Variants in RARB observed in about 807,000 individuals in gnomAD.
RARB encodes the protein HBV-activated protein.
A neutral mutation model predicts 51.9 loss-of-function variants in RARB; 17 were observed. The ratio of observed to expected loss-of-function variants is 0.33; its 90% CI spans 0.22 to 0.49. The LOEUF is 0.49. Ranked by LOEUF, RARB falls within the 20% of genes least tolerant of loss-of-function variation. The pLI is 0.99. For missense variants in RARB, 369 were observed against 550.8 expected (o/e 0.67, Z 3.30); for synonymous variants, 215 against 195.4 (o/e 1.10, Z -0.84).
chr3:25,343,594 C>T (rs1030105543), intron 5 of RARB, among the ~76,000 whole-genome samples: 2 of 151,968 alleles, frequency 1.3e-5, no homozygotes, highest in Admixed American at 1.3e-4. Flanking sequence ...TTCCACAGAA[C>T]CCAGTTCCTT....
intron 1 of RARB, among the ~76,000 whole-genome samples, chr3:25,460,620 G>A (rs535029158): frequency 2.0e-5 from 3 of 151,912 alleles, no homozygotes; most frequent in Non-Finnish European, 4.4e-5. Flanking sequence ...GCTAATTTTT[G>A]TATTTTTAGT....
chr3:25,023,733 T>A (rs1244327594), intron 2 of RARB, among the ~76,000 whole-genome samples: 1 of 152,154 alleles, frequency 6.6e-6, no homozygotes, highest in Non-Finnish European at 1.5e-5. Context: ...GAGTGGAAGT[T>A]TCTTCTGTGA....
intron 1 of RARB, among the ~76,000 whole-genome samples, chr3:25,443,973 A>T (rs1708818587): frequency 6.6e-6 from 1 of 152,090 alleles, no homozygotes; most frequent in Non-Finnish European, 1.5e-5. Flanking sequence ...AATCGCTAAA[A>T]CAACTCTCAA....
At position 24,879,855 on chromosome 3, in the gene RARB, T is replaced by C. The variant is rs190566052; in HGVS notation, c.-380+21103T>C. On this transcript the variant is annotated intron_variant, in intron 2 of 11. Transcript: ENST00000383772. Reference sequence around the variant, plus strand: ...TTCTTGCAGATCTCAGATGGGTTTTTAGTTCACAGTTACATTAAGGGTGTA... The same window carrying C: ...TTCTTGCAGATCTCAGATGGGTTTTCAGTTCACAGTTACATTAAGGGTGTA... 8.0e-4 allele frequency among the ~76,000 whole-genome samples: 121 copies of C among 151,924 alleles called. 1 individual carries two copies. The highest frequency in any genetic ancestry group is 4.7e-4 in the Non-Finnish European group (32 of 67,918).
intron 5 of RARB, among the ~76,000 whole-genome samples, chr3:25,365,652 T>C (rs1306671075): frequency 6.6e-6 from 1 of 152,168 alleles, no homozygotes; most frequent in Non-Finnish European, 1.5e-5. Context: ...AGGCCAGATA[T>C]TGAAATCACA....
intron 5 of RARB, among the ~76,000 whole-genome samples, chr3:25,299,766 A>C (rs1217973429): frequency 6.6e-6 from 1 of 152,190 alleles, no homozygotes; most frequent in African/African-American, 2.4e-5. Context: ...AAAAAAAATA[A>C]ATAAATAAAT....
At chr3:24,970,400 A>G (rs1417170941) in intron 2 of RARB, among the ~76,000 whole-genome samples, 1 of 152,022 alleles carries the variant, frequency 6.6e-6, no homozygotes, top group South Asian at 2.1e-4. Flanking sequence ...AGACAAGAAG[A>G]CAATTCTGTC....
At chr3:25,026,685 C>G (rs908202014) in intron 2 of RARB, among the ~76,000 whole-genome samples, 3 of 152,122 alleles carry the variant, frequency 2.0e-5, no homozygotes, top group Admixed American at 1.3e-4. Context: ...CACAATTTAG[C>G]CCATGACAAT....
chr3:25,060,404 T>C (rs188082606), intron 3 of RARB, among the ~76,000 whole-genome samples: 1 of 151,962 alleles, frequency 6.6e-6, no homozygotes, highest in African/African-American at 2.4e-5. Flanking sequence ...TCTTATTTTC[T>C]CTCTGCTAAC....
At chr3:25,253,908 G>A (rs1193614562) in intron 5 of RARB, among the ~76,000 whole-genome samples, 2 of 152,152 alleles carry the variant, frequency 1.3e-5, no homozygotes, top group African/African-American at 4.8e-5. Context: ...AGACACAAAT[G>A]TTAGTTAGAA....
chr3:25,094,543 C>T (rs1012417669), intron 3 of RARB, among the ~76,000 whole-genome samples: 1 of 151,732 alleles, frequency 6.6e-6, no homozygotes, highest in African/African-American at 2.4e-5. Context: ...TTGGCAAAAC[C>T]TTGTCTCTAC....
chr3:25,461,714 C>A (rs1695195771), intron 2 of RARB, among the ~76,000 whole-genome samples: 1 of 152,062 alleles, frequency 6.6e-6, no homozygotes, highest in Non-Finnish European at 1.5e-5. Context: ...ACCAACATGG[C>A]AAAACCTCAT....
At chr3:25,190,796 A>G (rs576404497) in intron 5 of RARB, among the ~76,000 whole-genome samples, 2 of 152,142 alleles carry the variant, frequency 1.3e-5, no homozygotes, top group African/African-American at 4.8e-5. Flanking sequence ...TCACATCAGT[A>G]ATAGTCATAA....
intron 5 of RARB, among the ~76,000 whole-genome samples, chr3:25,189,934 G>T (rs1397942793): frequency 6.6e-6 from 1 of 152,044 alleles, no homozygotes; most frequent in Non-Finnish European, 1.5e-5. Flanking sequence ...CCAGCTGTGT[G>T]ATCCCCGGAT....
chr3:25,045,754 A>G (rs1698202690), intron 2 of RARB, among the ~76,000 whole-genome samples: 1 of 152,282 alleles, frequency 6.6e-6, no homozygotes, highest in African/African-American at 2.4e-5. Flanking sequence ...AAGCATATTA[A>G]GTTCAGCTGC....
At position 25,130,397 on chromosome 3, in the gene RARB, ACT is replaced by A. The variant is rs1242580638; in HGVS notation, c.-327-1761_-327-1760del. Among the ~76,000 whole-genome samples, 4 of 152,122 alleles carry A rather than the reference ACT, an allele frequency of 2.6e-5. No individual in the cohort carries two copies. The East Asian group carries it at 7.7e-4, about 29-fold the overall frequency. ...TGCTGTGTTTTCCCCTTTGTGACTA[ACT>A]CTGACAAATAGAGGCTGAAGAATTG... On this transcript the variant is annotated intron_variant, in intron 3 of 11. Coordinates refer to the RARB transcript ENST00000383772.
intron 2 of RARB, among the ~76,000 whole-genome samples, chr3:25,473,283 A>G (rs1695789441): frequency 1.3e-5 from 2 of 151,852 alleles, no homozygotes; most frequent in African/African-American, 4.8e-5. Context: ...ATTTTGTTCT[A>G]TGGACCCTAG....
chr3:25,009,488 G>A (rs566293925), intron 2 of RARB, among the ~76,000 whole-genome samples: 15 of 152,140 alleles, frequency 9.9e-5, no homozygotes, highest in South Asian at 6.2e-4. Context: ...TTCAGATCCC[G>A]TGAGTCCAGT....
intron 2 of RARB, among the ~76,000 whole-genome samples, chr3:25,494,253 G>GCACGCGCGCGCGCGCGCA (rs1553623182): frequency 1.5e-5 from 2 of 131,852 alleles, no homozygotes; most frequent in Non-Finnish European, 3.5e-5. Flanking sequence ...TGTATCTTAC[G>GCACGCGCGCGCGCGCGCA]CACACACACA....
Sources: allele counts gnomAD v4.1 joint callset (sites outside exome capture counted in the v4.1 genomes callset), GRCh38; gene constraint gnomAD v4.1.1; transcripts MANE v1.5; gene names NCBI Gene and HGNC (gene_info 2026-07-23, HGNC 2026-07-21).